The following WWOX variants were observed in gnomAD, a reference collection of about 807,000 sequenced individuals.
WWOX encodes the protein WW domain containing oxidoreductase.
Under a neutral mutation model 46.2 loss-of-function variants are expected in WWOX, and 69 were observed. That is an observed-to-expected ratio of 1.49 (90% CI 1.23 to 1.82). WWOX has a LOEUF of 1.82. WWOX is among the 40% of genes most tolerant of loss of function. The pLI is 0.00. For missense variants in WWOX, 919 were observed against 542.6 expected, an observed-to-expected ratio of 1.69 and a Z score of -6.89; for synonymous variants, 359 against 202.6, an observed-to-expected ratio of 1.77 and a Z score of -6.56.
At chr16:78,287,904 T>G (rs2079796017) in intron 5 of WWOX, among the ~76,000 whole-genome samples, 1 of 152,198 alleles carries the variant, frequency 6.6e-6, no homozygotes, top group Non-Finnish European at 1.5e-5. Flanking sequence ...GGTACAGCCT[T>G]TCTTTCCTGA....
intron 5 of WWOX, chr16:78,267,047 TTCC>T: frequency 6.2e-6 from 1 of 162,062 alleles, no homozygotes; most frequent in Non-Finnish European, 1.3e-5. Flanking sequence ...CTTTTGCTTC[TTCC>T]TCATTTTCTC....
chr16:78,362,102 T>A (rs2081421934), intron 5 of WWOX, among the ~76,000 whole-genome samples: 1 of 152,088 alleles, frequency 6.6e-6, no homozygotes, highest in Admixed American at 6.6e-5. Context: ...ACATTCTTCC[T>A]CACTCCCCAC....
intron 8 of WWOX, among the ~76,000 whole-genome samples, chr16:79,129,316 T>G (rs1409086651): frequency 6.7e-6 from 1 of 150,332 alleles, no homozygotes; most frequent in African/African-American, 2.5e-5. Flanking sequence ...GGGGGCACAC[T>G]TCCTGATATG....
At chr16:78,869,495 C>T (rs1038649564) in intron 8 of WWOX, among the ~76,000 whole-genome samples, 14 of 152,212 alleles carry the variant, frequency 9.2e-5, no homozygotes, top group Non-Finnish European at 1.3e-4. Flanking sequence ...CATCCGGTAA[C>T]AATTTAGATG....
At chr16:78,627,592 G>T (rs1393663568) in intron 8 of WWOX, among the ~76,000 whole-genome samples, 1 of 152,132 alleles carries the variant, frequency 6.6e-6, no homozygotes, top group Non-Finnish European at 1.5e-5. Context: ...AGAAGAAAAA[G>T]AATAAAGAGG....
intron 4 of WWOX, among the ~76,000 whole-genome samples, chr16:78,125,938 GAAAAAT>G (rs1437615876): frequency 4.0e-5 from 6 of 151,748 alleles, no homozygotes; most frequent in African/African-American, 1.5e-4. Context: ...AGAAAGCGAA[GAAAAAT>G]AAAAATAAGA....
At chr16:79,210,658 T>G (rs1032872161) in intron 8 of WWOX, among the ~76,000 whole-genome samples, 8 of 152,204 alleles carry the variant, frequency 5.3e-5, no homozygotes, top group Non-Finnish European at 1.2e-4. Context: ...TGTATTGGTT[T>G]TAAATTAGAG....
intron 8 of WWOX, among the ~76,000 whole-genome samples, chr16:78,716,948 G>T (rs763574608): frequency 6.6e-6 from 1 of 152,160 alleles, no homozygotes; most frequent in Non-Finnish European, 1.5e-5. Flanking sequence ...CCTTTCCCAA[G>T]ATCAGAGGAT....
intron 8 of WWOX, among the ~76,000 whole-genome samples, chr16:78,750,399 G>A (rs2049447470): frequency 1.3e-5 from 2 of 152,218 alleles, no homozygotes; most frequent in Admixed American, 6.5e-5. Flanking sequence ...ATCAGGAAGT[G>A]TGAGTTGGCT....
rs1249430475 is a variant in WWOX, at chr16:79,212,159, C to T, written c.*363C>T. On this transcript the variant is annotated 3_prime_UTR_variant, in exon 9 of 9. Transcript: ENST00000566780. ...AGGTCCCCTCGTCCCATCCAGCTACCACCACGGCCACCACTGCAGCCGGGG... is the reference window on the plus strand; with the variant it reads ...AGGTCCCCTCGTCCCATCCAGCTACTACCACGGCCACCACTGCAGCCGGGG... 2.7e-6 allele frequency: 4 copies of T among 1,494,604 alleles called. No homozygotes were observed. The highest frequency in any genetic ancestry group is 3.5e-6 in the Non-Finnish European group (4 of 1,128,044). The allele number at this position is 1,494,604 out of a possible 1,614,324, so 92.6% of individuals were successfully genotyped here.
chr16:78,855,805 A>C (rs1342760943), intron 8 of WWOX, among the ~76,000 whole-genome samples: 1 of 152,128 alleles, frequency 6.6e-6, no homozygotes, highest in East Asian at 1.9e-4. Flanking sequence ...TTCATTCATC[A>C]CTTATTTCCT....
intron 8 of WWOX, among the ~76,000 whole-genome samples, chr16:78,856,654 A>G (rs1477545952): frequency 2.6e-5 from 4 of 152,322 alleles, no homozygotes; most frequent in Non-Finnish European, 1.5e-5. Flanking sequence ...GAAAGAGGAA[A>G]GAAATGGAAT....
intron 8 of WWOX, among the ~76,000 whole-genome samples, chr16:79,083,825 A>G (rs1227571189): frequency 2.0e-5 from 3 of 152,198 alleles, no homozygotes; most frequent in South Asian, 2.1e-4. Flanking sequence ...ATGTATTTGT[A>G]TAGGAGACTC....
chr16:78,681,356 A>G (rs908885118), intron 8 of WWOX, among the ~76,000 whole-genome samples: 1 of 152,176 alleles, frequency 6.6e-6, no homozygotes, highest in Non-Finnish European at 1.5e-5. Context: ...GTGAGCTATG[A>G]TCTTGCCACT....
rs184929373 is a variant in WWOX, at chr16:78,752,180, C to T, written c.1056+319428C>T. 3.8e-3 allele frequency among the ~76,000 whole-genome samples: 582 copies of T among 152,324 alleles called. 5 individuals are homozygous for T. Among genetic ancestry groups the T allele is most frequent in the Non-Finnish European group, 6.6e-3 (451 of 68,024 alleles). ...TTTGAGTGATTCACTTCGATGCGTACTGAAAATATACCTTTAAGTAGTTGA... is the reference window on the plus strand; with the variant it reads ...TTTGAGTGATTCACTTCGATGCGTATTGAAAATATACCTTTAAGTAGTTGA... On this transcript the variant is annotated intron_variant, in intron 8 of 8. Transcript: ENST00000566780.
intron 8 of WWOX, among the ~76,000 whole-genome samples, chr16:78,558,733 C>G (rs1028320211): frequency 1.3e-5 from 2 of 152,216 alleles, no homozygotes; most frequent in Admixed American, 1.3e-4. Flanking sequence ...CCAGTCTTGG[C>G]TTTGATCAAG....
chr16:78,314,252 A>G (rs1338713274), intron 5 of WWOX, among the ~76,000 whole-genome samples: 1 of 151,434 alleles, frequency 6.6e-6, no homozygotes, highest in African/African-American at 2.4e-5. Context: ...TAAAAATACA[A>G]AAAAAATTAG....
chr16:78,284,556 C>A (rs185138480), intron 5 of WWOX, among the ~76,000 whole-genome samples: 1 of 152,316 alleles, frequency 6.6e-6, no homozygotes, highest in East Asian at 1.9e-4. Flanking sequence ...AGTATCATTA[C>A]TCTTTTCTTG....
chr16:78,328,038 G>C (rs1179782739), intron 5 of WWOX, among the ~76,000 whole-genome samples: 1 of 151,926 alleles, frequency 6.6e-6, no homozygotes, highest in Non-Finnish European at 1.5e-5. Flanking sequence ...ACCTTGCCTG[G>C]CTAATTTGTA....
Sources: gnomAD v4.1 joint callset for allele counts (sites outside exome capture counted in the v4.1 genomes callset) on GRCh38, gnomAD v4.1.1 for gene constraint, MANE v1.5 for transcripts, NCBI Gene and HGNC (gene_info 2026-07-23, HGNC 2026-07-21) for gene names.